MACROD2: variants seen among roughly 807,000 people sequenced by gnomAD.
MACROD2 encodes ADP-ribose glycohydrolase MACROD2.
Under a neutral mutation model 70.4 loss-of-function variants are expected in MACROD2, and 36 were observed. That is an observed-to-expected ratio of 0.51 (90% CI 0.39 to 0.68). The LOEUF (loss-of-function observed/expected upper bound fraction) is 0.68. Ranked by LOEUF, MACROD2 falls within the 30% of genes least tolerant of loss-of-function variation. The pLI, the probability that MACROD2 is intolerant of heterozygous loss-of-function variation, is 0.00. For missense variants in MACROD2, 496 were observed against 538.4 expected, an observed-to-expected ratio of 0.92 and a Z score of 0.78; for synonymous variants, 172 against 178.8, an observed-to-expected ratio of 0.96 and a Z score of 0.30.
chr20:14,498,994 TAG>T (rs2084887329), intron 4 of MACROD2, among the ~76,000 whole-genome samples: 1 of 151,932 alleles, frequency 6.6e-6, no homozygotes, highest in Non-Finnish European at 1.5e-5. Context: ...TTACAGAGGG[TAG>T]AGTGTTGGGG....
intron 2 of MACROD2, among the ~76,000 whole-genome samples, chr20:14,017,874 C>T (rs1045568355): frequency 1.3e-5 from 2 of 152,036 alleles, no homozygotes; most frequent in African/African-American, 2.4e-5. Context: ...GGTGTTAATT[C>T]TTCCTTAGAT....
intron 8 of MACROD2, among the ~76,000 whole-genome samples, chr20:15,814,911 C>T (rs6135552): frequency 0.2 from 30,934 of 152,222 alleles, 3,346 homozygotes; most frequent in East Asian, 0.33. Flanking sequence ...ATGATTATGC[C>T]TTTGGCAGTG....
chr20:15,212,226 T>A (rs966349115), intron 5 of MACROD2, among the ~76,000 whole-genome samples: 5 of 152,226 alleles, frequency 3.3e-5, no homozygotes, highest in African/African-American at 1.2e-4. Flanking sequence ...CATGCTTAGC[T>A]TTTTTCCTTC....
At chr20:14,118,274 A>G (rs1224665812) in intron 3 of MACROD2, among the ~76,000 whole-genome samples, 1 of 152,142 alleles carries the variant, frequency 6.6e-6, no homozygotes, top group Admixed American at 6.5e-5. Context: ...TATGATTTCT[A>G]GTATTTCTTC....
chr20:15,070,230 A>G (rs1360788428), intron 5 of MACROD2, among the ~76,000 whole-genome samples: 2 of 152,176 alleles, frequency 1.3e-5, no homozygotes, highest in African/African-American at 2.4e-5. Context: ...TGTTTACCCA[A>G]TGCCAGTTCT....
chr20:14,363,162 G>T (rs912835082), intron 3 of MACROD2, among the ~76,000 whole-genome samples: 2 of 152,066 alleles, frequency 1.3e-5, no homozygotes, highest in African/African-American at 4.8e-5. Context: ...TTAAAACTGA[G>T]ACATCAGGCA....
intron 8 of MACROD2, among the ~76,000 whole-genome samples, chr20:15,561,797 C>T (rs1296865282): frequency 6.6e-6 from 1 of 151,972 alleles, no homozygotes. Flanking sequence ...AACCCTGGGG[C>T]GTGCCGAGGG....
chr20:15,477,954 G>A (rs1381305970), intron 7 of MACROD2, among the ~76,000 whole-genome samples: 1 of 152,174 alleles, frequency 6.6e-6, no homozygotes, highest in East Asian at 1.9e-4. Context: ...TGAGGAAAAA[G>A]CCATGAGCCA....
intron 5 of MACROD2, among the ~76,000 whole-genome samples, chr20:14,818,210 T>C (rs750267542): frequency 7.2e-5 from 11 of 152,106 alleles, no homozygotes; most frequent in Non-Finnish European, 1.5e-4. Flanking sequence ...ACCACCATCA[T>C]TGAGGTCCGC....
chr20:14,811,813 G>A (rs1004417961), intron 5 of MACROD2, among the ~76,000 whole-genome samples: 3 of 151,938 alleles, frequency 2.0e-5, no homozygotes, highest in African/African-American at 4.8e-5. Context: ...TGTGGCCAAC[G>A]AGCATATGAA....
Position 15,351,645 on chromosome 20 carries a change from G to A in MACROD2, c.541-79760G>A, listed in dbSNP as rs74980504. Among the ~76,000 whole-genome samples, 460 of 152,252 alleles carry A rather than the reference G, an allele frequency of 3.0e-3. 2 individuals are homozygous for A. Among genetic ancestry groups the A allele is most frequent in the African/African-American group, 0.011 (445 of 41,548 alleles). On this transcript the variant is annotated intron_variant, in intron 6 of 17. Coordinates refer to ENST00000684519, the MANE Select transcript of MACROD2 (RefSeq NM_001351661.2). ...TAGTAGCTTTCAGTGAGCTCCGTGAGTCCTACTAGCAAATTATCAACCTGA... is the reference window on the plus strand; with the variant it reads ...TAGTAGCTTTCAGTGAGCTCCGTGAATCCTACTAGCAAATTATCAACCTGA...
chr20:15,113,799 T>TGTGC (rs1435199929), intron 5 of MACROD2, among the ~76,000 whole-genome samples: 1 of 146,674 alleles, frequency 6.8e-6, no homozygotes. Flanking sequence ...TGTGTGTGTG[T>TGTGC]GCTGGAGGGG....
At chr20:15,367,751 C>G (rs1179636312) in intron 6 of MACROD2, among the ~76,000 whole-genome samples, 1 of 151,896 alleles carries the variant, frequency 6.6e-6, no homozygotes, top group African/African-American at 2.4e-5. Flanking sequence ...ATCTGACATT[C>G]CCTTATGTCC....
At chr20:14,896,618 C>T (rs895492087) in intron 5 of MACROD2, among the ~76,000 whole-genome samples, 1 of 151,530 alleles carries the variant, frequency 6.6e-6, no homozygotes, top group Admixed American at 6.6e-5. Flanking sequence ...AGAAGGTTCT[C>T]CTTATATGGA....
intron 5 of MACROD2, among the ~76,000 whole-genome samples, chr20:15,158,779 A>G (rs895944602): frequency 1.3e-5 from 2 of 152,172 alleles, no homozygotes; most frequent in Non-Finnish European, 2.9e-5. Context: ...TCCTATGAAA[A>G]GATCATTAAC....
intron 7 of MACROD2, among the ~76,000 whole-genome samples, chr20:15,443,555 A>C (rs12481556): frequency 0.26 from 39,038 of 151,998 alleles, 6,111 homozygotes; most frequent in African/African-American, 0.43. Context: ...AAATGAATCC[A>C]GTTTTACCAA....
chr20:14,660,246 G>A (rs191127685), intron 4 of MACROD2, among the ~76,000 whole-genome samples: 2 of 152,246 alleles, frequency 1.3e-5, no homozygotes, highest in Admixed American at 1.3e-4. Flanking sequence ...TTTTTCTAGA[G>A]AAAAGTCCAT....
chr20:14,792,596 C>T (rs1474259708), intron 5 of MACROD2, among the ~76,000 whole-genome samples: 2 of 152,070 alleles, frequency 1.3e-5, no homozygotes, highest in Non-Finnish European at 2.9e-5. Flanking sequence ...CAATTGATAT[C>T]ACAGCTCTAT....
rs187034072 is a variant in MACROD2 at position 14,782,401 on chromosome 20, G to A, written c.418+97442G>A. On this transcript the variant is annotated intron_variant, in intron 5 of 17. Coordinates refer to ENST00000684519, the MANE Select transcript of MACROD2 (RefSeq NM_001351661.2). ...AACTTTATACGGCTAGCCAATTCAA[G>A]TTAGTATATGTTGTCATTACTGAAT... Among the ~76,000 whole-genome samples, 84 of 152,154 alleles carry A rather than the reference G, an allele frequency of 5.5e-4. 1 individual carries two copies. Among genetic ancestry groups the A allele is most frequent in the African/African-American group, 1.5e-3 (64 of 41,490 alleles).
Sources: allele counts gnomAD v4.1 joint callset (sites outside exome capture counted in the v4.1 genomes callset), GRCh38; gene constraint gnomAD v4.1.1; transcripts MANE v1.5; gene names NCBI Gene and HGNC (gene_info 2026-07-23, HGNC 2026-07-21).